C1GALT1: variants seen among roughly 807,000 people sequenced by gnomAD.
The protein encoded by C1GALT1 is glycoprotein-N-acetylgalactosamine 3-beta-galactosyltransferase 1.
Under a neutral mutation model 31.0 loss-of-function variants are expected in C1GALT1, and 11 were observed. That is an observed-to-expected ratio of 0.36 (90% CI 0.22 to 0.59). The LOEUF (loss-of-function observed/expected upper bound fraction) is 0.59, where lower values mean the gene tolerates loss of function less well. C1GALT1 is among the 20% of genes least tolerant of loss of function. C1GALT1 has a pLI of 0.79. For missense variants in C1GALT1, 424 were observed against 425.2 expected (o/e 1.00, Z 0.03); for synonymous variants, 175 against 143.6 (o/e 1.22, Z -1.56).
At chr7:7,195,115 G>A (rs1228605629) in intron 1 of C1GALT1, among the ~76,000 whole-genome samples, 1 of 152,034 alleles carries the variant, frequency 6.6e-6, no homozygotes, top group Non-Finnish European at 1.5e-5. Context: ...CAAAGAACCA[G>A]CTTTCTGTTT....
At chr7:7,205,853 A>G (rs926656971) in intron 1 of C1GALT1, among the ~76,000 whole-genome samples, 10 of 152,170 alleles carry the variant, frequency 6.6e-5, no homozygotes, top group Admixed American at 3.3e-4. Flanking sequence ...ATGTTTATCA[A>G]TTCTGCAAAT....
At position 7,188,084 on chromosome 7, in the gene C1GALT1, G is replaced by C. The variant is rs1780900331; in HGVS notation, c.-18+5264G>C. On this transcript the variant is annotated intron_variant, in intron 1 of 3. Transcript: ENST00000436587. ...TGTAATAGCCTGTGGGGAGAGAGGA[G>C]AGTCTGAAATAGGATAAATACTAGA... Among the ~76,000 whole-genome samples, 4 of 152,068 alleles carry C rather than the reference G, an allele frequency of 2.6e-5. No individual in the cohort carries two copies. In the South Asian group the frequency reaches 6.2e-4, roughly 24 times the overall value.
chr7:7,178,485 T>A (rs541024480), upstream of C1GALT1, among the ~76,000 whole-genome samples: 1 of 152,242 alleles, frequency 6.6e-6, no homozygotes, highest in East Asian at 1.9e-4. Context: ...ACTCATTAAT[T>A]TTTAAAAAAT....
At chr7:7,158,951 G>A (rs760470846) in intron 2 of C1GALT1, among the ~76,000 whole-genome samples, 9 of 152,096 alleles carry the variant, frequency 5.9e-5, no homozygotes, top group Non-Finnish European at 1.0e-4. Context: ...TTGAGACAAC[G>A]AGCAGGGTTC....
intron 1 of C1GALT1, among the ~76,000 whole-genome samples, chr7:7,199,890 T>A (rs1485603977): frequency 6.6e-6 from 1 of 152,322 alleles, no homozygotes; most frequent in East Asian, 1.9e-4. Context: ...TTCCATTTGC[T>A]TGTTAGATCT....
intron 1 of C1GALT1, among the ~76,000 whole-genome samples, chr7:7,220,856 A>G (rs907501521): frequency 6.6e-6 from 1 of 152,210 alleles, no homozygotes; most frequent in African/African-American, 2.4e-5. Flanking sequence ...TAGTTTGAGT[A>G]TAAAATTCTA....
At chr7:7,202,220 G>A (rs1255586076) in intron 1 of C1GALT1, among the ~76,000 whole-genome samples, 1 of 152,144 alleles carries the variant, frequency 6.6e-6, no homozygotes, top group Non-Finnish European at 1.5e-5. Flanking sequence ...GCTGTAAACT[G>A]CTTCCTTTGA....
At chr7:7,229,236 G>A (rs1019320520) in intron 1 of C1GALT1, among the ~76,000 whole-genome samples, 1 of 152,164 alleles carries the variant, frequency 6.6e-6, no homozygotes, top group Non-Finnish European at 1.5e-5. Flanking sequence ...AAGTGGCTGT[G>A]TATGGTATTA....
chr7:7,231,560 T>C (rs1380682068), intron 1 of C1GALT1, among the ~76,000 whole-genome samples: 1 of 152,186 alleles, frequency 6.6e-6, no homozygotes, highest in African/African-American at 2.4e-5. Context: ...TTTTAGGTTA[T>C]TAATTTTTTT....
chr7:7,185,643 G>T (rs904164428), intron 1 of C1GALT1, among the ~76,000 whole-genome samples: 3 of 152,162 alleles, frequency 2.0e-5, no homozygotes, highest in African/African-American at 7.2e-5. Flanking sequence ...TTCAGATGGT[G>T]TGCTCCACTT....
chr7:7,169,431 A>G (rs13241122), intron 2 of C1GALT1, among the ~76,000 whole-genome samples: 54,091 of 152,054 alleles, frequency 0.36, 10,813 homozygotes, highest in East Asian at 0.59. Flanking sequence ...AAAAACTGCC[A>G]TGCTGGTTTC....
intron 1 of C1GALT1, among the ~76,000 whole-genome samples, chr7:7,228,507 C>T (rs956173468): frequency 2.0e-5 from 3 of 152,114 alleles, no homozygotes; most frequent in Admixed American, 6.5e-5. Context: ...CCAGTCTAGT[C>T]TACCTCAACA....
intron 2 of C1GALT1, among the ~76,000 whole-genome samples, chr7:7,157,691 G>C (rs1780287907): frequency 6.6e-6 from 1 of 152,068 alleles, no homozygotes; most frequent in Non-Finnish European, 1.5e-5. Context: ...ATACTCTTTT[G>C]AAGTATAATC....
In C1GALT1 at chr7:7,238,955, C is replaced by G. The variant is rs2128251371; in HGVS notation, c.888+33C>G. 1 of 1,504,850 alleles carries G rather than the reference C, an allele frequency of 6.6e-7. No homozygotes were observed. Among genetic ancestry groups the G allele is most frequent in the African/African-American group, 1.4e-5 (1 of 71,376 alleles). 93.2% of individuals were successfully genotyped at this position (1,504,850 alleles called of 1,614,324 possible). A position where few individuals can be genotyped will look rare whatever the true frequency, so the allele number is the denominator to read the frequency against. On this transcript the variant is annotated intron_variant, in intron 3 of 3. Transcript: ENST00000436587. The surrounding 1 kb of genome is among the most constrained non-coding windows in gnomAD (Gnocchi z 5.2). ...TAGAAATTTTATTACTATGTCAATA[C>G]TTGGACTGACTGAATTTTGTTGATA... is the stretch of plus-strand genomic sequence containing the variant.
chr7:7,221,073 G>A (rs1299438543), intron 1 of C1GALT1, among the ~76,000 whole-genome samples: 5 of 152,120 alleles, frequency 3.3e-5, no homozygotes, highest in Admixed American at 2.6e-4. Context: ...TATTTACTGT[G>A]CTGGGTATCA....
intron 2 of C1GALT1, among the ~76,000 whole-genome samples, chr7:7,174,451 T>C (rs1256752908): frequency 6.6e-6 from 1 of 152,190 alleles, no homozygotes; most frequent in African/African-American, 2.4e-5. Context: ...CCTTTCAACA[T>C]GCCTACACTG....
At chr7:7,236,328 C>T (rs1783348928) in intron 2 of C1GALT1, among the ~76,000 whole-genome samples, 1 of 152,078 alleles carries the variant, frequency 6.6e-6, no homozygotes, top group African/African-American at 2.4e-5. Context: ...ACCTGTCTTA[C>T]CTGAATGAAA....
intron 1 of C1GALT1, among the ~76,000 whole-genome samples, chr7:7,229,785 C>G (rs1368941586): frequency 6.6e-6 from 1 of 152,120 alleles, no homozygotes; most frequent in Admixed American, 6.6e-5. Flanking sequence ...GAATTTGAGA[C>G]CCCCTCATCA....
At chr7:7,157,810 T>C (rs776555121) in intron 2 of C1GALT1, among the ~76,000 whole-genome samples, 25 of 152,208 alleles carry the variant, frequency 1.6e-4, no homozygotes, top group Non-Finnish European at 2.9e-5. Context: ...GGTATGTACA[T>C]GTACATTCTG....
Sources: gnomAD v4.1 joint callset for allele counts (sites outside exome capture counted in the v4.1 genomes callset) on GRCh38, gnomAD v4.1.1 for gene constraint, Gnocchi (gnomAD v3.1) non-coding constraint, MANE v1.5 for transcripts, NCBI Gene and HGNC (gene_info 2026-07-23, HGNC 2026-07-21) for gene names.